FAM53B: variants seen among roughly 807,000 people sequenced by gnomAD.
FAM53B encodes the protein family with sequence similarity 53 member B.
In FAM53B, 12 loss-of-function variants were observed where a neutral mutation model predicts 32.7. The observed-to-expected ratio is 0.37, with a 90% CI of 0.24 to 0.59. The LOEUF is 0.59. Ranked by LOEUF, FAM53B falls within the 20% of genes least tolerant of loss-of-function variation. FAM53B has a pLI of 0.72. For synonymous variants in FAM53B, 234 were observed against 228.7 expected, an observed-to-expected ratio of 1.02 and a Z score of -0.21; for missense variants, 477 against 577.7, an observed-to-expected ratio of 0.83 and a Z score of 1.79.
At chr10:124,674,968 A>G (rs1374232216) in intron 4 of FAM53B, among the ~76,000 whole-genome samples, 1 of 152,224 alleles carries the variant, frequency 6.6e-6, no homozygotes, top group Non-Finnish European at 1.5e-5. Flanking sequence ...AGAGTCTCAT[A>G]GCTTCTCAAA....
intron 2 of FAM53B, among the ~76,000 whole-genome samples, chr10:124,699,234 C>A (rs1949896563): frequency 1.3e-5 from 2 of 152,238 alleles, no homozygotes; most frequent in Non-Finnish European, 2.9e-5. Context: ...TTCCAACATC[C>A]CAGCTGACAG....
intron 4 of FAM53B, among the ~76,000 whole-genome samples, chr10:124,663,251 T>C (rs11817976): frequency 0.1 from 15,479 of 152,232 alleles, 1,149 homozygotes; most frequent in African/African-American, 0.21. Flanking sequence ...CATTTGTGTG[T>C]TGACCAAAGT....
At chr10:124,698,246 A>T (rs1197552996) in intron 2 of FAM53B, among the ~76,000 whole-genome samples, 1 of 152,100 alleles carries the variant, frequency 6.6e-6, no homozygotes, top group Non-Finnish European at 1.5e-5. Context: ...GAGGCCAGAG[A>T]GGCCACACCA....
Position 124,681,742 on chromosome 10 carries a change from C to G in FAM53B, c.771G>C (p.Ala257=), listed in dbSNP as rs781047985. 7.5e-6 allele frequency: 12 copies of G among 1,610,026 alleles called. No individual in the cohort carries two copies. The highest frequency in any genetic ancestry group is 6.7e-5 in the African/African-American group (5 of 75,028). Residue 257 remains alanine, a synonymous_variant, in exon 4 of 5, where the codon GCG becomes GCC. Coordinates refer to ENST00000337318, the MANE Select transcript of FAM53B (RefSeq NM_014661.4). The part of the protein sequence containing the change: ...NSTPASTPEL[A]RRSSGLSRSR... ...TGCGGGAAAGGCCGCTGGAGCGTCTCGCCAGCTCTGGTGTTGAGGCAGGTG... is the reference window on the plus strand; with the variant it reads ...TGCGGGAAAGGCCGCTGGAGCGTCTGGCCAGCTCTGGTGTTGAGGCAGGTG...
intron 1 of FAM53B, among the ~76,000 whole-genome samples, chr10:124,714,694 G>A (rs553428870): frequency 7.8e-4 from 113 of 145,134 alleles, no homozygotes; most frequent in African/African-American, 2.1e-3. Context: ...GGGAGGCAGA[G>A]CTTGCAGTGA....
At chr10:124,723,818 A>G (rs932990285) in intron 1 of FAM53B, among the ~76,000 whole-genome samples, 1 of 152,204 alleles carries the variant, frequency 6.6e-6, no homozygotes, top group Non-Finnish European at 1.5e-5. Context: ...GGTCAATGGG[A>G]AGATTATATA....
chr10:124,691,769 G>A (rs11245330), intron 3 of FAM53B, among the ~76,000 whole-genome samples: 20,259 of 152,200 alleles, frequency 0.13, 1,547 homozygotes, highest in African/African-American at 0.18. Context: ...ACTAGTACAC[G>A]TGTGACCCTG....
chr10:124,631,635 G>C (rs964836977), intron 4 of FAM53B, among the ~76,000 whole-genome samples: 3 of 152,196 alleles, frequency 2.0e-5, no homozygotes, highest in African/African-American at 7.2e-5. Context: ...TCTCGGGCTG[G>C]CCTTTCCCAA....
chr10:124,730,375 G>C (rs1950134816), intron 1 of FAM53B, among the ~76,000 whole-genome samples: 1 of 152,220 alleles, frequency 6.6e-6, no homozygotes, highest in Admixed American at 6.5e-5. Context: ...GCTGCAGAGG[G>C]GCATGGTGGG....
At chr10:124,667,090 A>C in intron 4 of FAM53B, 3 of 371,318 alleles carry the variant, frequency 8.1e-6, no homozygotes, top group South Asian at 3.0e-5. Context: ...AGCTACATGC[A>C]GTCACTGAAT....
At chr10:124,723,437 T>C (rs1950082321) in intron 1 of FAM53B, among the ~76,000 whole-genome samples, 2 of 152,184 alleles carry the variant, frequency 1.3e-5, no homozygotes, top group Non-Finnish European at 2.9e-5. Context: ...TTTTCTGGGT[T>C]CCACAGTAGC....
chr10:124,740,231 A>G (rs1298937842), intron 1 of FAM53B, among the ~76,000 whole-genome samples: 1 of 152,154 alleles, frequency 6.6e-6, no homozygotes, highest in African/African-American at 2.4e-5. Flanking sequence ...TAAGACAGGC[A>G]CCACCAAAAC....
chr10:124,702,316 C>CG (rs1266732085), intron 2 of FAM53B, among the ~76,000 whole-genome samples: 1 of 152,222 alleles, frequency 6.6e-6, no homozygotes, highest in African/African-American at 2.4e-5. Flanking sequence ...GGTATTTACA[C>CG]GGGGATGATG....
chr10:124,737,608 A>C (rs1451355611), intron 1 of FAM53B, among the ~76,000 whole-genome samples: 3 of 152,158 alleles, frequency 2.0e-5, no homozygotes, highest in African/African-American at 7.2e-5. Context: ...TCACCTCTTA[A>C]GGATCGGACT....
chr10:124,619,416 A>G lies in FAM53B; in HGVS notation c.*3826T>C, dbSNP rs1462923141. The G allele has an allele frequency of 6.6e-6, 1 of 152,252 alleles. No individual in the cohort carries two copies. Among genetic ancestry groups the G allele is most frequent in the Non-Finnish European group, 1.5e-5 (1 of 67,966 alleles). The allele number at this position is 152,252 out of a possible 1,614,324, so 9.4% of individuals were successfully genotyped here. ...GAGGCCAGGCTGCAGGGGCGGGCAG[A>G]CCCTGGGCCCCGGGTCTACGCTTTC... On this transcript the variant is annotated 3_prime_UTR_variant, in exon 5 of 5. Transcript: ENST00000337318.
intron 4 of FAM53B, among the ~76,000 whole-genome samples, chr10:124,630,097 G>A (rs1054556460): frequency 3.9e-5 from 6 of 152,226 alleles, no homozygotes; most frequent in African/African-American, 7.2e-5. Flanking sequence ...GCCCAGGGCC[G>A]TGTTGGTGCC....
At chr10:124,727,043 G>C (rs2134099211) in intron 1 of FAM53B, among the ~76,000 whole-genome samples, 1 of 152,252 alleles carries the variant, frequency 6.6e-6, no homozygotes, top group South Asian at 2.1e-4. Context: ...TTTGGAGACA[G>C]GGTCTCACTC....
At chr10:124,716,240 G>A (rs566867594) in intron 1 of FAM53B, among the ~76,000 whole-genome samples, 1 of 152,306 alleles carries the variant, frequency 6.6e-6, no homozygotes, top group African/African-American at 2.4e-5. Context: ...GGCCACCGAA[G>A]GCCACACTTG....
At chr10:124,654,482 T>C (rs563436204) in intron 4 of FAM53B, among the ~76,000 whole-genome samples, 32 of 152,288 alleles carry the variant, frequency 2.1e-4, no homozygotes, top group Non-Finnish European at 1.3e-4. Context: ...TCTGCAGTCA[T>C]GCGGATGGCA....
Sources: allele counts gnomAD v4.1 joint callset (sites outside exome capture counted in the v4.1 genomes callset), GRCh38; gene constraint gnomAD v4.1.1; transcripts MANE v1.5; gene names NCBI Gene and HGNC (gene_info 2026-07-23, HGNC 2026-07-21).